The following KIF11 variants were observed in gnomAD, a reference collection of about 807,000 sequenced individuals.
KIF11 encodes the protein kinesin family member 11.
In KIF11, 9 loss-of-function variants were observed where a neutral mutation model predicts 121.0. That is an observed-to-expected ratio of 0.07 (90% CI 0.04 to 0.13). KIF11 has a LOEUF of 0.13. Ranked by LOEUF, KIF11 falls within the 10% of genes least tolerant of loss-of-function variation. The pLI, the probability that KIF11 is intolerant of heterozygous loss-of-function variation, is 1.00. For missense variants in KIF11, 846 were observed against 1,217.5 expected, an observed-to-expected ratio of 0.69 and a Z score of 4.54; for synonymous variants, 408 against 421.0, an observed-to-expected ratio of 0.97 and a Z score of 0.38.
chr10:92,599,168 A>C (rs755850809), intron 1 of KIF11, among the ~76,000 whole-genome samples: 7 of 152,060 alleles, frequency 4.6e-5, no homozygotes, highest in Non-Finnish European at 1.0e-4. Context: ...GTGCTATTTT[A>C]AATTGAGTTG....
chr10:92,641,657 T>A (rs1388485408), intron 17 of KIF11, among the ~76,000 whole-genome samples: 1 of 152,262 alleles, frequency 6.6e-6, no homozygotes, highest in Non-Finnish European at 1.5e-5. Flanking sequence ...GGGTTTTGTT[T>A]AGCTTCTTGA....
intron 17 of KIF11, among the ~76,000 whole-genome samples, chr10:92,644,173 A>T (rs145196685): frequency 6.6e-6 from 1 of 152,178 alleles, no homozygotes; most frequent in Admixed American, 6.5e-5. Context: ...GTTTCCCAGT[A>T]TGGTCTAGGG....
chr10:92,630,842 G>A (rs183917257), intron 12 of KIF11, among the ~76,000 whole-genome samples: 3,051 of 147,040 alleles, frequency 0.021, 45 homozygotes, highest in Admixed American at 0.051. Flanking sequence ...ACTCCAGCCT[G>A]GGCAACAAGA....
intron 19 of KIF11, 42 bp downstream of exon 19, chr10:92,648,476 C>A: frequency 1.6e-6 from 2 of 1,272,942 alleles, no homozygotes; most frequent in Non-Finnish European, 1.1e-6. Context: ...TTTTTGAAGT[C>A]GAATTCAACT....
chr10:92,617,805 T>C (rs1460099579), intron 9 of KIF11, among the ~76,000 whole-genome samples: 2 of 151,892 alleles, frequency 1.3e-5, no homozygotes, highest in African/African-American at 4.8e-5. Context: ...AGTGGCACGA[T>C]CTTGACTCAG....
intron 9 of KIF11, among the ~76,000 whole-genome samples, chr10:92,617,376 A>C (rs1165999567): frequency 2.0e-5 from 3 of 152,220 alleles, no homozygotes; most frequent in Admixed American, 6.5e-5. Context: ...TTGGGGTTCC[A>C]CTTATAACAT....
intron 12 of KIF11, among the ~76,000 whole-genome samples, chr10:92,630,880 A>AG (rs943732769): frequency 2.0e-5 from 3 of 150,386 alleles, no homozygotes; most frequent in Non-Finnish European, 4.4e-5. Flanking sequence ...AAAAAAAAAA[A>AG]AAAAAGAAAA....
chr10:92,632,557 A>G lies in KIF11; in HGVS notation c.1566A>G (p.Ala522=). 5 of 1,613,786 alleles carry G rather than the reference A, an allele frequency of 3.1e-6. No homozygotes were observed. The highest frequency in any genetic ancestry group is 4.2e-6 in the Non-Finnish European group (5 of 1,179,656). ...ATTCCAAACTGGATCGTAAGAAGGC[A>G]GTTGACCAACACAATGCAGAAGCTC... ...GLHSKLDRKK[A]VDQHNAEAQD... Residue 522 remains alanine (A), a synonymous_variant, in exon 13 of 22, where the codon GCA becomes GCG. Coordinates refer to ENST00000260731, the MANE Select transcript of KIF11 (RefSeq NM_004523.4).
chr10:92,616,709 A>C, intron 8 of KIF11, 28 bp from the exon 9 acceptor site: 4 of 1,130,658 alleles, frequency 3.5e-6, no homozygotes, highest in Non-Finnish European at 5.3e-6. Context: ...CAATATCTTC[A>C]GTAATTGACC....
chr10:92,598,173 A>G (rs1844322457), intron 1 of KIF11, among the ~76,000 whole-genome samples: 1 of 152,142 alleles, frequency 6.6e-6, no homozygotes, highest in African/African-American at 2.4e-5. Flanking sequence ...ATCATTGCCA[A>G]ATCCATTGTT....
intron 14 of KIF11, among the ~76,000 whole-genome samples, chr10:92,635,706 C>G (rs967215752): frequency 6.6e-6 from 1 of 152,192 alleles, no homozygotes; most frequent in Non-Finnish European, 1.5e-5. Context: ...CACTGATAGA[C>G]GTGCTCAAGG....
intron 20 of KIF11, among the ~76,000 whole-genome samples, 166 bp downstream of exon 20, chr10:92,650,152 A>G (rs936378515): frequency 3.3e-5 from 5 of 152,206 alleles, no homozygotes; most frequent in African/African-American, 1.2e-4. Flanking sequence ...TAGTTTTTAA[A>G]TTATGCTAGT....
chr10:92,632,062 G>A (rs991399509), intron 12 of KIF11, among the ~76,000 whole-genome samples: 1 of 152,146 alleles, frequency 6.6e-6, no homozygotes, highest in East Asian at 1.9e-4. Flanking sequence ...GAAAAAATCA[G>A]TTTTCCTTGC....
intron 18 of KIF11, among the ~76,000 whole-genome samples, chr10:92,646,673 T>G (rs1420785332): frequency 6.6e-6 from 1 of 152,114 alleles, no homozygotes; most frequent in Non-Finnish European, 1.5e-5. Context: ...AATTTGAGCA[T>G]CAAAAAGAAT....
chr10:92,602,829 T>TAC (rs758185962), intron 1 of KIF11, among the ~76,000 whole-genome samples: 10 of 86,274 alleles, frequency 1.2e-4, no homozygotes, highest in African/African-American at 1.0e-3. Context: ...CACACACGTG[T>TAC]GTGTGTGTGT....
chr10:92,649,999 G>A lies in KIF11; in HGVS notation c.2922+13G>A. 3.1e-6 allele frequency: 5 copies of A among 1,591,140 alleles called. No individual in the cohort carries two copies. The African/African-American group carries it at 5.4e-5, about 17-fold the overall frequency. On this transcript the variant is annotated intron_variant, in intron 20 of 21. Transcript: ENST00000260731. The stretch of plus-strand genomic sequence containing the variant: ...AGAGACAATTCCGGTAAATTTAAAG[G>A]ATCATATTTTATAATAGAACTCTTT...
chr10:92,634,582 G>A (rs567594733), intron 14 of KIF11, among the ~76,000 whole-genome samples: 1 of 152,164 alleles, frequency 6.6e-6, no homozygotes, highest in African/African-American at 2.4e-5. Flanking sequence ...CCGAGAGTAC[G>A]TTTATATTTT....
chr10:92,629,593 A>G (rs1342511586), intron 11 of KIF11, among the ~76,000 whole-genome samples: 1 of 152,042 alleles, frequency 6.6e-6, no homozygotes, highest in African/African-American at 2.4e-5. Flanking sequence ...GGCCACCCTC[A>G]TATTAATACC....
At position 92,632,519 on chromosome 10, in the gene KIF11, G is replaced by A. The variant is rs758785013; in HGVS notation, c.1528G>A (p.Val510Ile). The change falls in exon 13 of 22, where the codon GTA becomes ATA. Residue 510 changes from valine (V) to isoleucine (I), a missense_variant. Around this residue, in one of 5 missense-constraint regions of KIF11, gnomAD observed 3 missense variants for 25.9 expected, o/e 0.12. Coordinates refer to ENST00000260731, the MANE Select transcript of KIF11 (RefSeq NM_004523.4). The stretch of plus-strand genomic sequence containing the variant: ...CACAGTTGAAGAAACTACAAAAGAT[G>A]TATCTGGTCTCCATTCCAAACTGGA... ...LNTVEETTKD[V>I]SGLHSKLDRK... 4 of 1,612,852 alleles carry A rather than the reference G, an allele frequency of 2.5e-6. No homozygotes were observed. The highest frequency in any genetic ancestry group is 3.4e-6 in the Non-Finnish European group (4 of 1,178,964).
Sources: allele counts gnomAD v4.1 joint callset (sites outside exome capture counted in the v4.1 genomes callset), GRCh38; gene constraint gnomAD v4.1.1; regional missense constraint gnomAD v4.1.1; transcripts MANE v1.5; gene names NCBI Gene and HGNC (gene_info 2026-07-23, HGNC 2026-07-21).